AHCYL2: variants seen among roughly 807,000 people sequenced by gnomAD.
The protein encoded by AHCYL2 is adenosylhomocysteinase like 2.
AHCYL2 carries 28 observed loss-of-function variants against 81.4 expected under a neutral mutation model. That is an observed-to-expected ratio of 0.34 (90% confidence interval 0.25 to 0.47). The LOEUF (loss-of-function observed/expected upper bound fraction) is 0.47. Ranked by LOEUF, AHCYL2 falls within the 20% of genes least tolerant of loss-of-function variation. The pLI, the probability that AHCYL2 is intolerant of heterozygous loss-of-function variation, is 1.00. For synonymous variants in AHCYL2, 272 were observed against 290.2 expected (o/e 0.94, Z 0.64); for missense variants, 551 against 785.1 (o/e 0.70, Z 3.56).
At chr7:129,231,374 G>A (rs769009348) in intron 1 of AHCYL2, among the ~76,000 whole-genome samples, 2 of 152,094 alleles carry the variant, frequency 1.3e-5, no homozygotes, top group Non-Finnish European at 2.9e-5. Flanking sequence ...TGAAGAAATC[G>A]ATAGTTCATT....
At chr7:129,336,511 C>T (rs901446471) in intron 1 of AHCYL2, among the ~76,000 whole-genome samples, 5 of 152,092 alleles carry the variant, frequency 3.3e-5, no homozygotes, top group Non-Finnish European at 7.4e-5. Context: ...TAATTTCTTG[C>T]CTTTCTCTTG....
At chr7:129,230,940 C>T (rs1286784968) in intron 1 of AHCYL2, among the ~76,000 whole-genome samples, 3 of 151,956 alleles carry the variant, frequency 2.0e-5, no homozygotes, top group Non-Finnish European at 2.9e-5. Context: ...TTATTTATTG[C>T]GTGGTTGAAG....
At chr7:129,337,610 G>A (rs930126253) in intron 1 of AHCYL2, among the ~76,000 whole-genome samples, 3 of 152,046 alleles carry the variant, frequency 2.0e-5, no homozygotes, top group Non-Finnish European at 2.9e-5. Flanking sequence ...CGTTGGCCAG[G>A]CTGGTCTCGA....
chr7:129,302,873 A>G (rs1797301074), intron 1 of AHCYL2, among the ~76,000 whole-genome samples: 1 of 152,048 alleles, frequency 6.6e-6, no homozygotes, highest in African/African-American at 2.4e-5. Context: ...TCATAGAATG[A>G]GTTTGGAAGT....
Position 129,428,896 on chromosome 7 carries a change from G to A in AHCYL2, c.*1851G>A, listed in dbSNP as rs1269635421. 1 of 152,132 alleles carries A rather than the reference G, an allele frequency of 6.6e-6. No homozygotes were observed. The highest frequency in any genetic ancestry group is 2.4e-5 in the African/African-American group (1 of 41,432). 9.4% of individuals were successfully genotyped at this position (152,132 alleles called of 1,614,324 possible). On this transcript the variant is annotated 3_prime_UTR_variant, in exon 17 of 17. Coordinates refer to ENST00000325006, the MANE Select transcript of AHCYL2 (RefSeq NM_015328.4). ...TCATAAATGCTAAAAATTCCACTAA[G>A]CCATTCAGTTCTTCCTTTTGCCTAC...
chr7:129,283,139 G>A (rs758722413), intron 1 of AHCYL2, among the ~76,000 whole-genome samples: 66 of 152,248 alleles, frequency 4.3e-4, no homozygotes, highest in South Asian at 4.1e-4. Flanking sequence ...AGCATGCAGC[G>A]CGTTTTCCAG....
At chr7:129,345,073 T>G (rs929638698) in intron 1 of AHCYL2, among the ~76,000 whole-genome samples, 1 of 152,052 alleles carries the variant, frequency 6.6e-6, no homozygotes, top group Non-Finnish European at 1.5e-5. Context: ...GAAAATCACT[T>G]GAACCCAGGA....
intron 1 of AHCYL2, among the ~76,000 whole-genome samples, chr7:129,251,751 A>G (rs1248365850): frequency 6.6e-6 from 1 of 152,152 alleles, no homozygotes; most frequent in Non-Finnish European, 1.5e-5. Context: ...ACTGCTTGAT[A>G]TAATGGTAAC....
At chr7:129,362,613 T>TG (rs1240433757) in intron 1 of AHCYL2, among the ~76,000 whole-genome samples, 11 of 146,268 alleles carry the variant, frequency 7.5e-5, no homozygotes, top group Non-Finnish European at 1.2e-4. Context: ...TTTTTTTTTT[T>TG]TTTTTTTTTT....
At chr7:129,405,997 C>A in intron 9 of AHCYL2, 98 bp downstream of exon 9, 1 of 1,134,740 alleles carries the variant, frequency 8.8e-7, no homozygotes, top group Non-Finnish European at 1.3e-6. Context: ...ACACCCTTTA[C>A]CACTTTAGAT....
At position 129,400,474 on chromosome 7, in the gene AHCYL2, A is replaced by G; in HGVS notation, c.918+90A>G. ...GCCTAGGAGAGGGTTTCCCAACAAGAAGGAAGGAAAATGGCTTCATTTCTA... is the reference window on the plus strand; with the variant it reads ...GCCTAGGAGAGGGTTTCCCAACAAGGAGGAAGGAAAATGGCTTCATTTCTA... On this transcript the variant is annotated intron_variant, in intron 6 of 16. Transcript: ENST00000325006. 3.3e-6 allele frequency: 4 copies of G among 1,222,020 alleles called. No homozygotes were observed. In the South Asian group the frequency reaches 6.0e-5, roughly 18 times the overall value. 75.7% of individuals were successfully genotyped at this position (1,222,020 alleles called of 1,614,324 possible). A position where few individuals can be genotyped will look rare whatever the true frequency, so the allele number is the denominator to read the frequency against.
At chr7:129,399,762 T>C (rs1048648615) in intron 5 of AHCYL2, among the ~76,000 whole-genome samples, 32 of 143,258 alleles carry the variant, frequency 2.2e-4, no homozygotes, top group Non-Finnish European at 4.5e-4. Context: ...AGTCACGCCC[T>C]GTCGCCCAGG....
chr7:129,424,889 C>T lies in AHCYL2; in HGVS notation c.1576C>T (p.Leu526Phe), dbSNP rs753369603. 21 of 1,613,068 alleles carry T rather than the reference C, an allele frequency of 1.3e-5. No individual in the cohort carries two copies. The highest frequency in any genetic ancestry group is 1.9e-4 in the Middle Eastern group (1 of 5,308). ...VLLAEGRLLN[L>F]SCSTVPTFVL... ...TGATCACTAGGGCCGCCTGCTGAAC[C>T]TTAGCTGCTCCACAGTGCCTACATT... The change falls in exon 14 of 17, where the codon CTT becomes TTT. Residue 526 changes from leucine to phenylalanine, a missense_variant. This residue lies in a region of AHCYL2 where 316 missense variants were observed against 543.1 expected (regional missense o/e 0.58). Transcript: ENST00000325006.
At chr7:129,358,095 C>A (rs987061957) in intron 1 of AHCYL2, among the ~76,000 whole-genome samples, 2 of 151,650 alleles carry the variant, frequency 1.3e-5, no homozygotes, top group African/African-American at 4.8e-5. Context: ...GAATATTATT[C>A]AGCTTTAAAA....
At chr7:129,271,234 G>A (rs924661635) in intron 1 of AHCYL2, among the ~76,000 whole-genome samples, 32 of 151,824 alleles carry the variant, frequency 2.1e-4, no homozygotes, top group Admixed American at 1.7e-3. Flanking sequence ...GGTGGCAGGC[G>A]CCTGTAGTCC....
In AHCYL2 at chr7:129,406,935, C is replaced by T. The variant is rs1254142532; in HGVS notation, c.1295+469C>T. Among the ~76,000 whole-genome samples the T allele has an allele frequency of 6.6e-6, 1 of 152,154 alleles. No homozygotes were observed. Among genetic ancestry groups the T allele is most frequent in the East Asian group, 1.9e-4 (1 of 5,192 alleles). ...GTGAAGCATATATGAGAATTATTTA[C>T]ACTAGTATTATAATTCTTAAGTTTG... On this transcript the variant is annotated intron_variant, in intron 10 of 16. Transcript: ENST00000325006. The surrounding 1 kb of genome is among the most constrained non-coding windows in gnomAD (Gnocchi z 4.3).
At chr7:129,399,450 A>G (rs1795918422) in intron 5 of AHCYL2, among the ~76,000 whole-genome samples, 6 of 151,426 alleles carry the variant, frequency 4.0e-5, no homozygotes. Context: ...CCGTCTCAAA[A>G]AAAAAAAAGA....
intron 1 of AHCYL2, among the ~76,000 whole-genome samples, chr7:129,312,457 G>A (rs1239797496): frequency 1.3e-5 from 2 of 151,996 alleles, no homozygotes; most frequent in African/African-American, 4.8e-5. Flanking sequence ...TACTCAGGCT[G>A]GTGTGCAGTG....
At chr7:129,383,351 T>C (rs576281749) in intron 2 of AHCYL2, among the ~76,000 whole-genome samples, 1 of 152,006 alleles carries the variant, frequency 6.6e-6, no homozygotes, top group South Asian at 2.1e-4. Flanking sequence ...AATTTTTTTG[T>C]AGAGATAGGG....
Sources: allele counts gnomAD v4.1 joint callset (sites outside exome capture counted in the v4.1 genomes callset), GRCh38; gene constraint gnomAD v4.1.1; regional missense constraint gnomAD v4.1.1; non-coding constraint Gnocchi (gnomAD v3.1); transcripts MANE v1.5; gene names NCBI Gene and HGNC (gene_info 2026-07-23, HGNC 2026-07-21).